The following SLIT2 variants were observed in gnomAD, a reference collection of about 807,000 sequenced individuals.
SLIT2 encodes the protein slit guidance ligand 2.
In SLIT2, 41 loss-of-function variants were observed where a neutral mutation model predicts 185.7. The observed-to-expected ratio is 0.22, with a 90% CI of 0.17 to 0.29. SLIT2 has a LOEUF of 0.29. Ranked by LOEUF, SLIT2 falls within the 10% of genes least tolerant of loss-of-function variation. The pLI is 1.00. For synonymous variants in SLIT2, 693 were observed against 680.2 expected, an observed-to-expected ratio of 1.02 and a Z score of -0.29; for missense variants, 1,571 against 1,909.0, an observed-to-expected ratio of 0.82 and a Z score of 3.30.
chr4:20,530,602 G>T (rs1721712903), intron 16 of SLIT2, among the ~76,000 whole-genome samples: 1 of 152,182 alleles, frequency 6.6e-6, no homozygotes, highest in South Asian at 2.1e-4. Context: ...AAATAAGTTT[G>T]TTTGTCATGG....
chr4:20,295,420 A>G (rs1242544055), intron 4 of SLIT2, among the ~76,000 whole-genome samples: 2 of 152,192 alleles, frequency 1.3e-5, no homozygotes, highest in Non-Finnish European at 2.9e-5. Flanking sequence ...TAATTTGAAC[A>G]AAGTCGACTT....
intron 23 of SLIT2, 132 bp from the exon 24 acceptor site, chr4:20,548,925 A>G: frequency 1.6e-6 from 1 of 616,558 alleles, no homozygotes; most frequent in South Asian, 2.0e-5. Flanking sequence ...CACACAAAAA[A>G]TAACAATATA....
chr4:20,401,753 T>G (rs1046773394), intron 4 of SLIT2, among the ~76,000 whole-genome samples: 3 of 151,854 alleles, frequency 2.0e-5, no homozygotes, highest in Admixed American at 1.3e-4. Context: ...ACCTCACGAT[T>G]CTTCATCTAA....
intron 29 of SLIT2, among the ~76,000 whole-genome samples, chr4:20,587,986 A>G (rs1471038098): frequency 6.6e-6 from 1 of 152,220 alleles, no homozygotes; most frequent in African/African-American, 2.4e-5. Context: ...AGATACTACT[A>G]TAAACAGCCT....
intron 18 of SLIT2, among the ~76,000 whole-genome samples, chr4:20,534,237 C>G (rs974609099): frequency 1.3e-5 from 2 of 152,178 alleles, no homozygotes; most frequent in African/African-American, 4.8e-5. Context: ...AACAGCTTAT[C>G]TGGAGACTAC....
intron 30 of SLIT2, among the ~76,000 whole-genome samples, chr4:20,592,759 T>G (rs1206400849): frequency 6.6e-6 from 1 of 152,162 alleles, no homozygotes; most frequent in African/African-American, 2.4e-5. Flanking sequence ...TCTCGGGCCT[T>G]GTCCATCTCT....
At chr4:20,601,388 A>G (rs115140635) in intron 33 of SLIT2, among the ~76,000 whole-genome samples, 145 of 152,330 alleles carry the variant, frequency 9.5e-4, no homozygotes, top group African/African-American at 3.3e-3. Context: ...AATATTTGCA[A>G]CAATGCTAGG....
chr4:20,299,180 C>G (rs1716803133), intron 4 of SLIT2, among the ~76,000 whole-genome samples: 1 of 152,114 alleles, frequency 6.6e-6, no homozygotes, highest in Admixed American at 6.5e-5. Flanking sequence ...CAGTTGTATT[C>G]AAGCCAAAGA....
At chr4:20,262,490 A>G (rs1485011734) in intron 3 of SLIT2, among the ~76,000 whole-genome samples, 1 of 151,894 alleles carries the variant, frequency 6.6e-6, no homozygotes, top group African/African-American at 2.4e-5. Flanking sequence ...TAGGCAACAC[A>G]TAACACATAC....
At chr4:20,552,986 A>T (rs950460120) in intron 25 of SLIT2, among the ~76,000 whole-genome samples, 1 of 152,208 alleles carries the variant, frequency 6.6e-6, no homozygotes, top group Non-Finnish European at 1.5e-5. Flanking sequence ...CAGCTCCTGC[A>T]TATAGTAATA....
intron 4 of SLIT2, among the ~76,000 whole-genome samples, chr4:20,419,208 G>C (rs995340749): frequency 5.3e-5 from 8 of 152,128 alleles, no homozygotes; most frequent in Non-Finnish European, 8.8e-5. Flanking sequence ...CATGTCAACT[G>C]TTGAAAGCCA....
chr4:20,518,075 A>ATG (rs1009269792), intron 11 of SLIT2, among the ~76,000 whole-genome samples: 2 of 146,902 alleles, frequency 1.4e-5, no homozygotes, highest in South Asian at 2.1e-4. Context: ...TTGTGCATAT[A>ATG]TGTGTGTGTA....
rs1553915402 is a variant in SLIT2, at chr4:20,511,596, T to TTTTTTTTA, written c.1058+465_1058+472dup. Among the ~76,000 whole-genome samples the TTTTTTTTA allele has an allele frequency of 4.9e-3, 674 of 138,638 alleles. 18 individuals are homozygous for TTTTTTTTA. Among genetic ancestry groups the TTTTTTTTA allele is most frequent in the African/African-American group, 0.018 (655 of 37,268 alleles). 91.0% of individuals were successfully genotyped at this position (138,638 alleles called of 152,430 possible). ...CCACCACATCCAGCTAATTTTTTTT[T>TTTTTTTTA]TTTTTTTATTTTTGGTAGAGATGGA... On this transcript the variant is annotated intron_variant, in intron 11 of 36. Coordinates refer to ENST00000504154, the MANE Select transcript of SLIT2 (RefSeq NM_004787.4).
At chr4:20,336,354 A>G (rs897131489) in intron 4 of SLIT2, among the ~76,000 whole-genome samples, 2 of 152,218 alleles carry the variant, frequency 1.3e-5, no homozygotes, top group African/African-American at 4.8e-5. Context: ...TGTAGCCATA[A>G]AAAAGGATGA....
chr4:20,492,881 T>C (rs1020185418), intron 9 of SLIT2, among the ~76,000 whole-genome samples: 2 of 152,214 alleles, frequency 1.3e-5, no homozygotes, highest in African/African-American at 4.8e-5. Flanking sequence ...TCACTGCCAT[T>C]AGTTTAAAGT....
intron 4 of SLIT2, among the ~76,000 whole-genome samples, chr4:20,290,336 G>GAAAAATAACCATTA (rs1476611224): frequency 6.6e-6 from 1 of 152,104 alleles, no homozygotes; most frequent in African/African-American, 2.4e-5. Flanking sequence ...AAAAAGAAAT[G>GAAAAATAACCATTA]AAAAATAACC....
chr4:20,263,628 A>C (rs1712731662), intron 3 of SLIT2, among the ~76,000 whole-genome samples: 2 of 151,926 alleles, frequency 1.3e-5, no homozygotes. Context: ...AAACGCTAGA[A>C]AAGAGTGATA....
intron 9 of SLIT2, among the ~76,000 whole-genome samples, chr4:20,504,398 A>C (rs994839735): frequency 6.6e-5 from 10 of 152,192 alleles, no homozygotes; most frequent in African/African-American, 2.4e-4. Flanking sequence ...ATGTATAATC[A>C]GCATCTGGGC....
intron 4 of SLIT2, among the ~76,000 whole-genome samples, chr4:20,274,293 A>G (rs1713945038): frequency 6.6e-6 from 1 of 152,178 alleles, no homozygotes; most frequent in Non-Finnish European, 1.5e-5. Flanking sequence ...TTGCCACTTA[A>G]AAAATAGAGG....
Sources: allele counts gnomAD v4.1 joint callset (sites outside exome capture counted in the v4.1 genomes callset), GRCh38; gene constraint gnomAD v4.1.1; transcripts MANE v1.5; gene names NCBI Gene and HGNC (gene_info 2026-07-23, HGNC 2026-07-21).